Variants in ATXN8OS observed in about 807,000 individuals in gnomAD.
The protein encoded by ATXN8OS is ATXN8 opposite strand lncRNA.
chr13:70,131,115 G>C (rs1001486687), intron 3 of ATXN8OS: 16 of 398,328 alleles, frequency 4.0e-5, no homozygotes, highest in African/African-American at 2.7e-4. Context: ...CAATACATGT[G>C]TAAGAATATC....
At chr13:70,152,216 T>C (rs1456199754) in intron 4 of ATXN8OS, among the ~76,000 whole-genome samples, 1 of 152,020 alleles carries the variant, frequency 6.6e-6, no homozygotes, top group Non-Finnish European at 1.5e-5. Context: ...AATTTCTACC[T>C]ATCCTTGAAG....
intron 2 of ATXN8OS, among the ~76,000 whole-genome samples, chr13:70,127,876 CT>C (rs1888464383): frequency 4.6e-5 from 7 of 152,006 alleles, no homozygotes. Flanking sequence ...CACCTGTTTA[CT>C]TAATTGTAGA....
intron 4 of ATXN8OS, among the ~76,000 whole-genome samples, chr13:70,168,793 G>A (rs887778877): frequency 6.6e-6 from 1 of 152,032 alleles, no homozygotes; most frequent in Non-Finnish European, 1.5e-5. Context: ...GCAAGGAGTT[G>A]GCACCATAGT....
At chr13:70,129,286 A>T (rs1278869699) in intron 2 of ATXN8OS, among the ~76,000 whole-genome samples, 1 of 152,118 alleles carries the variant, frequency 6.6e-6, no homozygotes, top group East Asian at 1.9e-4. Context: ...TATTTGAAGG[A>T]TTGGTATGTT....
At chr13:70,141,014 C>T (rs1593769434) in intron 3 of ATXN8OS, among the ~76,000 whole-genome samples, 1 of 152,128 alleles carries the variant, frequency 6.6e-6, no homozygotes, top group Non-Finnish European at 1.5e-5. Flanking sequence ...GAACCATTTA[C>T]TTGTAGTCTG....
At chr13:70,116,479 T>G (rs1888280363) in intron 2 of ATXN8OS, among the ~76,000 whole-genome samples, 1 of 152,132 alleles carries the variant, frequency 6.6e-6, no homozygotes. Context: ...GGGGCCATGA[T>G]AAAGTTTGGT....
intron 2 of ATXN8OS, among the ~76,000 whole-genome samples, chr13:70,122,242 A>T (rs893951018): frequency 1.3e-5 from 2 of 151,852 alleles, no homozygotes; most frequent in Non-Finnish European, 2.9e-5. Flanking sequence ...CTCTACCACC[A>T]TTCTAGCCTC....
intron 2 of ATXN8OS, among the ~76,000 whole-genome samples, chr13:70,128,718 T>C (rs1888481032): frequency 6.6e-6 from 1 of 152,142 alleles, no homozygotes; most frequent in Non-Finnish European, 1.5e-5. Context: ...TTTTTTTGTA[T>C]ACTAAAATAT....
intron 1 of ATXN8OS, chr13:70,108,262 CT>C (rs1209979675): frequency 2.1e-5 from 8 of 380,822 alleles, no homozygotes; most frequent in Non-Finnish European, 3.7e-5. Context: ...ACCTGCGCCC[CT>C]GTCCCTGGCC....
chr13:70,115,730 A>G (rs1449218303), intron 2 of ATXN8OS, among the ~76,000 whole-genome samples: 1 of 152,110 alleles, frequency 6.6e-6, no homozygotes, highest in Admixed American at 6.6e-5. Context: ...GAGTAATAAC[A>G]CTTTATAGTG....
At chr13:70,147,331 T>C (rs1002229335) in intron 3 of ATXN8OS, among the ~76,000 whole-genome samples, 2 of 152,178 alleles carry the variant, frequency 1.3e-5, no homozygotes, top group African/African-American at 2.4e-5. Flanking sequence ...CTTTGACTAA[T>C]TGGAATTTTC....
At chr13:70,164,046 GTTTTTATTC>G (rs1226408059) in intron 4 of ATXN8OS, among the ~76,000 whole-genome samples, 3 of 104,676 alleles carry the variant, frequency 2.9e-5, no homozygotes, top group African/African-American at 1.2e-4. Context: ...TAAGCTGGAA[GTTTTTATTC>G]TTATTATTAT....
chr13:70,143,768 G>A (rs1888747105), intron 3 of ATXN8OS, among the ~76,000 whole-genome samples: 1 of 152,048 alleles, frequency 6.6e-6, no homozygotes, highest in South Asian at 2.1e-4. Flanking sequence ...GTGTTTAAGT[G>A]CTTGATCTCT....
At chr13:70,111,054 A>G (rs1183172759) in intron 1 of ATXN8OS, among the ~76,000 whole-genome samples, 1 of 152,210 alleles carries the variant, frequency 6.6e-6, no homozygotes, top group East Asian at 1.9e-4. Flanking sequence ...ATGAATGTCC[A>G]TATGGTTGCC....
chr13:70,127,905 G>A (rs1888466671), intron 2 of ATXN8OS, among the ~76,000 whole-genome samples: 1 of 152,050 alleles, frequency 6.6e-6, no homozygotes, highest in African/African-American at 2.4e-5. Context: ...CATGATTTAA[G>A]AGAATGCGTG....
chr13:70,138,237 C>T (rs902073307), intron 3 of ATXN8OS, among the ~76,000 whole-genome samples: 1 of 152,000 alleles, frequency 6.6e-6, no homozygotes, highest in African/African-American at 2.4e-5. Flanking sequence ...TTTAACAATA[C>T]ATTAAATTTA....
At chr13:70,149,907 G>C (rs1237314439) in intron 4 of ATXN8OS, among the ~76,000 whole-genome samples, 1 of 152,014 alleles carries the variant, frequency 6.6e-6, no homozygotes, top group Non-Finnish European at 1.5e-5. Flanking sequence ...GTTAAAAAAA[G>C]AAATTAAAGA....
At chr13:70,108,292 T>G in intron 1 of ATXN8OS, 1 of 354,102 alleles carries the variant, frequency 2.8e-6, no homozygotes, top group Non-Finnish European at 5.0e-6. Flanking sequence ...GATGCCCCGA[T>G]AGCCTGCCGG....
chr13:70,114,049 T>G (rs1379895300), intron 1 of ATXN8OS, among the ~76,000 whole-genome samples: 1 of 152,248 alleles, frequency 6.6e-6, no homozygotes, highest in Non-Finnish European at 1.5e-5. Flanking sequence ...AATTATATAT[T>G]CAGAGTATTG....
Sources: gnomAD v4.1 joint callset for allele counts (sites outside exome capture counted in the v4.1 genomes callset) on GRCh38, gnomAD v4.1.1 for gene constraint, MANE v1.5 for transcripts, NCBI Gene and HGNC (gene_info 2026-07-23, HGNC 2026-07-21) for gene names.